The following INPP4B variants were observed in gnomAD, a reference collection of about 807,000 sequenced individuals.
INPP4B encodes the protein inositol polyphosphate 4-phosphatase type II.
INPP4B carries 55 observed loss-of-function variants against 122.5 expected under a neutral mutation model. That is an observed-to-expected ratio of 0.45 (90% confidence interval 0.36 to 0.56). The LOEUF (loss-of-function observed/expected upper bound fraction) is 0.56, where lower values mean the gene tolerates loss of function less well. Ranked by LOEUF, INPP4B falls within the 20% of genes least tolerant of loss-of-function variation. INPP4B has a pLI of 0.00. For missense variants in INPP4B, 1,000 were observed against 1,097.7 expected, an observed-to-expected ratio of 0.91 and a Z score of 1.26; for synonymous variants, 403 against 388.7, an observed-to-expected ratio of 1.04 and a Z score of -0.43.
intron 1 of INPP4B, among the ~76,000 whole-genome samples, chr4:142,770,786 T>G (rs1261771019): frequency 2.0e-5 from 3 of 152,124 alleles, no homozygotes; most frequent in Admixed American, 6.6e-5. Flanking sequence ...AAGTGTGGTA[T>G]CCGCTTCCAA....
At chr4:142,486,949 C>A (rs1560713005) in intron 2 of INPP4B, among the ~76,000 whole-genome samples, 1 of 152,128 alleles carries the variant, frequency 6.6e-6, no homozygotes, top group Non-Finnish European at 1.5e-5. Flanking sequence ...TTTGTCTATA[C>A]TTACGTGGTA....
chr4:142,309,885 TCTCCCTACAGGGAGTGTCCA>T (rs1203636215), intron 8 of INPP4B, among the ~76,000 whole-genome samples: 1 of 152,122 alleles, frequency 6.6e-6, no homozygotes, highest in Non-Finnish European at 1.5e-5. Context: ...ATCCCTGGCC[TCTCCCTACAGGGAGTGTCCA>T]CATGAATAGT....
rs1486170646 is a variant in INPP4B, at chr4:142,375,982, T to C, written c.372+26956A>G. ...TCACTGTATCTTCATTCCATTCACTTATTTCCAAATTATTGCTTTGATATT... is the reference window on the plus strand; with the variant it reads ...TCACTGTATCTTCATTCCATTCACTCATTTCCAAATTATTGCTTTGATATT... On this transcript the variant is annotated intron_variant, in intron 7 of 25. Coordinates refer to ENST00000262992, the MANE Select transcript of INPP4B (RefSeq NM_001101669.3). Among the ~76,000 whole-genome samples the C allele has an allele frequency of 2.6e-5, 4 of 152,026 alleles. No homozygotes were observed. The East Asian group carries it at 5.8e-4, about 22-fold the overall frequency.
intron 7 of INPP4B, among the ~76,000 whole-genome samples, chr4:142,387,338 T>C (rs1796272427): frequency 6.6e-6 from 1 of 152,004 alleles, no homozygotes; most frequent in Non-Finnish European, 1.5e-5. Flanking sequence ...AATGGGGTCC[T>C]TAATTTCTAA....
At chr4:142,431,615 G>A (rs531079860) in intron 3 of INPP4B, among the ~76,000 whole-genome samples, 1 of 152,060 alleles carries the variant, frequency 6.6e-6, no homozygotes, top group Non-Finnish European at 1.5e-5. Flanking sequence ...AAACATGAAA[G>A]GTGTATTATT....
intron 1 of INPP4B, among the ~76,000 whole-genome samples, chr4:142,731,261 T>C (rs145126442): frequency 2.6e-4 from 40 of 152,198 alleles, no homozygotes; most frequent in African/African-American, 9.6e-4. Context: ...ATGAGAAATA[T>C]GATATGACAT....
At chr4:142,394,409 T>A (rs944596622) in intron 7 of INPP4B, among the ~76,000 whole-genome samples, 1 of 152,200 alleles carries the variant, frequency 6.6e-6, no homozygotes, top group Non-Finnish European at 1.5e-5. Flanking sequence ...CCTCCCAAAG[T>A]GCTGGGATTA....
At chr4:142,593,754 T>C (rs2150259453) in intron 2 of INPP4B, among the ~76,000 whole-genome samples, 1 of 152,268 alleles carries the variant, frequency 6.6e-6, no homozygotes, top group South Asian at 2.1e-4. Flanking sequence ...CGTTGAATTA[T>C]TCCATGTTCA....
At chr4:142,633,082 A>G (rs919371445) in intron 2 of INPP4B, among the ~76,000 whole-genome samples, 1 of 152,030 alleles carries the variant, frequency 6.6e-6, no homozygotes, top group Non-Finnish European at 1.5e-5. Context: ...TAATCTCAAA[A>G]TAATGCTGGT....
intron 7 of INPP4B, among the ~76,000 whole-genome samples, chr4:142,394,748 T>C (rs953016806): frequency 3.9e-5 from 6 of 152,220 alleles, no homozygotes; most frequent in African/African-American, 1.4e-4. Flanking sequence ...TGCAAATACT[T>C]CCAATTCATG....
At chr4:142,257,566 C>A (rs1353678281) in intron 11 of INPP4B, among the ~76,000 whole-genome samples, 1 of 151,996 alleles carries the variant, frequency 6.6e-6, no homozygotes, top group African/African-American at 2.4e-5. Flanking sequence ...CAATAACAGA[C>A]AAACAGAGAG....
chr4:142,373,938 C>T (rs956586619), intron 7 of INPP4B, among the ~76,000 whole-genome samples: 3 of 151,672 alleles, frequency 2.0e-5, no homozygotes, highest in Admixed American at 2.0e-4. Flanking sequence ...TATAAACTGT[C>T]GTGCATTGAG....
chr4:142,700,203 C>T (rs1443188), intron 2 of INPP4B, among the ~76,000 whole-genome samples: 117,323 of 152,000 alleles, frequency 0.77, 46,134 homozygotes, highest in Non-Finnish European at 0.83. Flanking sequence ...CTTCTAAAAC[C>T]GCAACAGGGA....
At chr4:142,753,542 C>A (rs771473657) in intron 1 of INPP4B, among the ~76,000 whole-genome samples, 1 of 151,956 alleles carries the variant, frequency 6.6e-6, no homozygotes, top group Non-Finnish European at 1.5e-5. Flanking sequence ...ATTGATCCCC[C>A]CTCTCTCCAT....
chr4:142,777,179 C>A (rs1379305672), intron 1 of INPP4B, among the ~76,000 whole-genome samples: 1 of 152,106 alleles, frequency 6.6e-6, no homozygotes, highest in African/African-American at 2.4e-5. Context: ...TCTCAGTACT[C>A]CCCGCCTTGT....
At chr4:142,204,412 T>C (rs1410053755) in intron 14 of INPP4B, among the ~76,000 whole-genome samples, 2 of 152,132 alleles carry the variant, frequency 1.3e-5, no homozygotes, top group East Asian at 1.9e-4. Flanking sequence ...TTCTGCTAAC[T>C]GCTTTGTCAA....
chr4:142,425,608 TA>T (rs1490600551), intron 5 of INPP4B, among the ~76,000 whole-genome samples: 1 of 151,904 alleles, frequency 6.6e-6, no homozygotes, highest in Non-Finnish European at 1.5e-5. Flanking sequence ...TTAGGCTCAA[TA>T]TGAACAATAT....
intron 9 of INPP4B, among the ~76,000 whole-genome samples, chr4:142,288,082 C>T (rs958630421): frequency 4.6e-5 from 7 of 152,204 alleles, no homozygotes; most frequent in African/African-American, 1.7e-4. Flanking sequence ...TTCCCAAAGA[C>T]TCCATCTTTA....
rs529070946 is a variant in INPP4B at position 142,259,952 on chromosome 4, C to G, written c.688+540G>C. Among the ~76,000 whole-genome samples the G allele has an allele frequency of 1.0e-3, 156 of 152,132 alleles. 1 individual carries two copies. Among genetic ancestry groups the G allele is most frequent in the Non-Finnish European group, 1.8e-3 (123 of 68,000 alleles). On this transcript the variant is annotated intron_variant, in intron 11 of 25. Coordinates refer to ENST00000262992, the MANE Select transcript of INPP4B (RefSeq NM_001101669.3). ...CTGTCATATATGTAGTTGGCATTGA[C>G]CAAATGTCATTATGCAGCACATGAT...
Sources: gnomAD v4.1 joint callset for allele counts (sites outside exome capture counted in the v4.1 genomes callset) on GRCh38, gnomAD v4.1.1 for gene constraint, MANE v1.5 for transcripts, NCBI Gene and HGNC (gene_info 2026-07-23, HGNC 2026-07-21) for gene names.